The following PRIMA1 variants were observed in gnomAD, a reference collection of about 807,000 sequenced individuals.
PRIMA1 encodes the protein proline-rich membrane anchor 1.
In PRIMA1, 7 loss-of-function variants were observed where a neutral mutation model predicts 17.5. That is an observed-to-expected ratio of 0.40 (90% confidence interval 0.23 to 0.75). The LOEUF is 0.75. PRIMA1 is among the 30% of genes least tolerant of loss of function. The pLI, the probability that PRIMA1 is intolerant of heterozygous loss-of-function variation, is 0.37. For missense variants in PRIMA1, 200 were observed against 201.8 expected (o/e 0.99, Z 0.05); for synonymous variants, 97 against 77.9 (o/e 1.25, Z -1.29).
chr14:93,767,161 A>C (rs1364674570), intron 3 of PRIMA1, among the ~76,000 whole-genome samples: 1 of 152,240 alleles, frequency 6.6e-6, no homozygotes. Context: ...CAAGAAGGTG[A>C]TACTGATCAG....
chr14:93,779,014 G>A lies in PRIMA1; in HGVS notation c.229+162C>T, dbSNP rs146976341. Among the ~76,000 whole-genome samples the A allele has an allele frequency of 1.2e-3, 189 of 152,100 alleles. 2 individuals are homozygous for A. The South Asian group carries it at 0.017, about 14-fold the overall frequency. ...TGCAGGAGCACGCTGTGGGAAAGGC[G>A]TTTTGCAGACTGCAGGGGAAAGTTG... On this transcript the variant is annotated intron_variant, in intron 3 of 4. Coordinates refer to ENST00000393140, the MANE Select transcript of PRIMA1 (RefSeq NM_178013.4).
intron 3 of PRIMA1, among the ~76,000 whole-genome samples, chr14:93,757,227 G>C (rs749058397): frequency 9.7e-4 from 148 of 152,050 alleles, no homozygotes; most frequent in Non-Finnish European, 1.0e-3. Flanking sequence ...AGGAAGGAAG[G>C]AAAGAAGGAA....
intron 4 of PRIMA1, among the ~76,000 whole-genome samples, chr14:93,727,179 T>C (rs565025192): frequency 6.6e-6 from 1 of 152,216 alleles, no homozygotes; most frequent in African/African-American, 2.4e-5. Context: ...TGGGATCACC[T>C]GTTTGGCCGC....
At chr14:93,743,122 G>A (rs1486302094) in intron 3 of PRIMA1, among the ~76,000 whole-genome samples, 1 of 152,218 alleles carries the variant, frequency 6.6e-6, no homozygotes, top group African/African-American at 2.4e-5. Context: ...CATGTTCTTG[G>A]TTTTAAAATT....
intron 3 of PRIMA1, among the ~76,000 whole-genome samples, chr14:93,771,536 G>A (rs1271989947): frequency 6.6e-6 from 1 of 152,166 alleles, no homozygotes; most frequent in Non-Finnish European, 1.5e-5. Context: ...AGCCCTGGCT[G>A]ACAGACTATC....
chr14:93,721,326 G>C lies in PRIMA1; in HGVS notation c.*118C>G, dbSNP rs528231784. 7.8e-4 allele frequency: 517 copies of C among 660,452 alleles called. 7 individuals are homozygous for C. The African/African-American group carries it at 8.6e-3, about 11-fold the overall frequency. The allele number at this position is 660,452 out of a possible 1,614,324, so 40.9% of individuals were successfully genotyped here. On this transcript the variant is annotated 3_prime_UTR_variant, in exon 5 of 5. Coordinates refer to ENST00000393140, the MANE Select transcript of PRIMA1 (RefSeq NM_178013.4). ...TGGTTTCTCCTTCGGGAGGCTCAGG[G>C]CCTGTGAGGCAATGAAGTCCTGGAC...
intron 4 of PRIMA1, among the ~76,000 whole-genome samples, chr14:93,734,535 C>T (rs1355507924): frequency 6.6e-6 from 1 of 152,182 alleles, no homozygotes; most frequent in Non-Finnish European, 1.5e-5. Flanking sequence ...GTGCTAACCG[C>T]CCCCACTCTG....
chr14:93,763,669 C>T (rs887477969), intron 3 of PRIMA1, among the ~76,000 whole-genome samples: 17 of 152,260 alleles, frequency 1.1e-4, no homozygotes, highest in South Asian at 2.1e-4. Flanking sequence ...ATGCGTGCCC[C>T]GTCTGCTAAT....
intron 4 of PRIMA1, among the ~76,000 whole-genome samples, chr14:93,734,847 G>A (rs2076139575): frequency 6.6e-6 from 1 of 151,780 alleles, no homozygotes; most frequent in Non-Finnish European, 1.5e-5. Flanking sequence ...AGACCCAGGA[G>A]CCAAGAGCTC....
intron 3 of PRIMA1, among the ~76,000 whole-genome samples, chr14:93,751,034 G>A (rs959727919): frequency 2.6e-5 from 4 of 152,194 alleles, no homozygotes; most frequent in African/African-American, 7.2e-5. Context: ...GTTTCCCATC[G>A]TCAAAGGGTG....
At chr14:93,749,904 G>A (rs2076249567) in intron 3 of PRIMA1, among the ~76,000 whole-genome samples, 2 of 152,164 alleles carry the variant, frequency 1.3e-5, no homozygotes, top group Non-Finnish European at 2.9e-5. Context: ...AAGTAAGCTG[G>A]GTGCAGTGGC....
chr14:93,779,405 C>A, intron 2 of PRIMA1, 94 bp from the exon 3 acceptor site: 1 of 1,117,780 alleles, frequency 8.9e-7, no homozygotes, highest in East Asian at 2.8e-5. Flanking sequence ...CCCTGCCAGG[C>A]TGGGACTTGG....
chr14:93,774,625 T>G (rs1885156476), intron 3 of PRIMA1, among the ~76,000 whole-genome samples: 1 of 152,204 alleles, frequency 6.6e-6, no homozygotes, highest in South Asian at 2.1e-4. Flanking sequence ...AGCCTCCCTC[T>G]GCTCCCACCT....
intron 3 of PRIMA1, among the ~76,000 whole-genome samples, chr14:93,775,765 T>C (rs772562177): frequency 9.9e-5 from 15 of 152,268 alleles, no homozygotes; most frequent in East Asian, 1.9e-4. Context: ...ATGGCTATGA[T>C]AGACATTCCC....
intron 3 of PRIMA1, among the ~76,000 whole-genome samples, chr14:93,769,642 C>T (rs554618142): frequency 2.0e-5 from 3 of 152,266 alleles, no homozygotes; most frequent in East Asian, 3.9e-4. Context: ...GCAGGGAAGG[C>T]GGGTCACGGG....
chr14:93,781,615 T>C (rs570686576), intron 2 of PRIMA1, among the ~76,000 whole-genome samples: 1 of 152,342 alleles, frequency 6.6e-6, no homozygotes, highest in East Asian at 1.9e-4. Context: ...GGGTGTTTAA[T>C]GTGATGAAGC....
intron 3 of PRIMA1, among the ~76,000 whole-genome samples, chr14:93,751,843 G>A (rs1481598051): frequency 6.6e-6 from 1 of 152,226 alleles, no homozygotes; most frequent in Non-Finnish European, 1.5e-5. Flanking sequence ...ACAGTCCAGA[G>A]CTGTGTTGTC....
intron 4 of PRIMA1, among the ~76,000 whole-genome samples, chr14:93,725,186 A>AGGCTCGGCACCTGTGGCAGGTAAGG (rs527970749): frequency 1.3e-4 from 19 of 151,584 alleles, no homozygotes; most frequent in Admixed American, 2.0e-4. Context: ...GGCTTGGCAG[A>AGGCTCGGCACCTGTGGCAGGTAAGG]GGCTCGGCAC....
chr14:93,757,183 A>G lies in PRIMA1; in HGVS notation c.230-19813T>C, dbSNP rs183009511. ...TCCAAGTGGGGATGGAGAAATTGTG[A>G]GACGTGGGTTTAAAAAAAGGAAGGA... On this transcript the variant is annotated intron_variant, in intron 3 of 4. Coordinates refer to ENST00000393140, the MANE Select transcript of PRIMA1 (RefSeq NM_178013.4). Among the ~76,000 whole-genome samples the G allele has an allele frequency of 1.9e-4, 29 of 151,152 alleles. No individual in the cohort carries two copies. The East Asian group carries it at 3.5e-3, about 18-fold the overall frequency.
Sources: gnomAD v4.1 joint callset for allele counts (sites outside exome capture counted in the v4.1 genomes callset) on GRCh38, gnomAD v4.1.1 for gene constraint, MANE v1.5 for transcripts, NCBI Gene and HGNC (gene_info 2026-07-23, HGNC 2026-07-21) for gene names.